Variants in FBXO36 observed in about 807,000 individuals in gnomAD.
FBXO36 encodes the protein F-box only protein 36.
In FBXO36, 18 loss-of-function variants were observed where a neutral mutation model predicts 17.0. That is an observed-to-expected ratio of 1.06 (90% CI 0.73 to 1.57). The LOEUF is 1.57. Ranked by LOEUF, FBXO36 falls within the 40% of genes most tolerant of loss-of-function variation. The pLI is 0.00. For missense variants in FBXO36, 229 were observed against 221.9 expected (o/e 1.03, Z -0.20); for synonymous variants, 83 against 85.3 (o/e 0.97, Z 0.15).
intron 1 of FBXO36, among the ~76,000 whole-genome samples, chr2:229,948,779 A>AG (rs1350247432): frequency 8.5e-5 from 13 of 152,200 alleles, no homozygotes; most frequent in African/African-American, 3.1e-4. Flanking sequence ...CCAAATGGAA[A>AG]GGGGCCTGGT....
chr2:229,938,539 C>T (rs1302874314), intron 1 of FBXO36, among the ~76,000 whole-genome samples: 4 of 148,268 alleles, frequency 2.7e-5, no homozygotes, highest in African/African-American at 1.0e-4. Context: ...GGCTGGTATG[C>T]AATGGCGCCA....
chr2:229,987,063 T>C (rs530470573), intron 2 of FBXO36, among the ~76,000 whole-genome samples: 12 of 151,130 alleles, frequency 7.9e-5, no homozygotes, highest in Non-Finnish European at 1.5e-4. Context: ...ACTAAAAATA[T>C]AAAAAAATTA....
At chr2:229,922,677 A>G in intron 1 of FBXO36, 68 bp downstream of exon 1, 1 of 1,510,818 alleles carries the variant, frequency 6.6e-7, no homozygotes, top group African/African-American at 1.4e-5. Context: ...CCCGGGACGC[A>G]GGCTGTGCTA....
chr2:229,934,647 A>G (rs979768805), intron 1 of FBXO36, among the ~76,000 whole-genome samples: 2 of 152,004 alleles, frequency 1.3e-5, no homozygotes, highest in African/African-American at 4.8e-5. Flanking sequence ...TGACTGTTTC[A>G]TTTTCCTTAT....
chr2:230,009,992 T>C (rs1177675632), intron 3 of FBXO36, among the ~76,000 whole-genome samples: 1 of 151,770 alleles, frequency 6.6e-6, no homozygotes, highest in Non-Finnish European at 1.5e-5. Context: ...CTGGGCACAG[T>C]GGCTCACGCC....
At chr2:229,931,593 C>T (rs893456341) in intron 1 of FBXO36, among the ~76,000 whole-genome samples, 2 of 152,192 alleles carry the variant, frequency 1.3e-5, no homozygotes, top group African/African-American at 4.8e-5. Flanking sequence ...GTAATCCCAG[C>T]ATTTTAGGAG....
intron 1 of FBXO36, among the ~76,000 whole-genome samples, chr2:229,974,063 A>G (rs1013137758): frequency 4.6e-5 from 7 of 152,166 alleles, no homozygotes; most frequent in African/African-American, 1.7e-4. Flanking sequence ...AACAAAAAGG[A>G]AGAAGAAAAT....
chr2:229,934,549 C>T (rs1219162142), intron 1 of FBXO36, among the ~76,000 whole-genome samples: 1 of 152,166 alleles, frequency 6.6e-6, no homozygotes, highest in Non-Finnish European at 1.5e-5. Flanking sequence ...GTTTGGAAAA[C>T]CAGTCAGCAG....
chr2:229,975,715 A>G (rs1307395709), intron 1 of FBXO36, among the ~76,000 whole-genome samples: 4 of 151,048 alleles, frequency 2.6e-5, no homozygotes, highest in Non-Finnish European at 5.9e-5. Flanking sequence ...GGCTCAAGCA[A>G]TCCTCCCACC....
At position 230,012,096 on chromosome 2, in the gene FBXO36, A is replaced by G. The variant is rs561605201; in HGVS notation, c.*1212A>G. 5.3e-5 allele frequency: 8 copies of G among 152,236 alleles called. No individual in the cohort carries two copies. In the South Asian group the frequency reaches 1.7e-3, roughly 32 times the overall value. 9.4% of individuals were successfully genotyped at this position (152,236 alleles called of 1,614,324 possible). A position where few individuals can be genotyped will look rare whatever the true frequency, so the allele number is the denominator to read the frequency against. ...CATCACATTATAATATAGCCTTATAATTTCTTCTTTCCTGCAACCTTCACT... is the reference window on the plus strand; with the variant it reads ...CATCACATTATAATATAGCCTTATAGTTTCTTCTTTCCTGCAACCTTCACT... On this transcript the variant is annotated 3_prime_UTR_variant, in exon 4 of 4. Coordinates refer to ENST00000283946, the MANE Select transcript of FBXO36 (RefSeq NM_174899.5).
At chr2:229,984,635 G>A (rs1448604140) in intron 2 of FBXO36, among the ~76,000 whole-genome samples, 1 of 151,896 alleles carries the variant, frequency 6.6e-6, no homozygotes, top group South Asian at 2.1e-4. Flanking sequence ...TGATCCGCCC[G>A]CCTCAGCCTC....
chr2:229,980,429 TC>T (rs1577353017), intron 2 of FBXO36, among the ~76,000 whole-genome samples: 1 of 152,078 alleles, frequency 6.6e-6, no homozygotes, highest in East Asian at 1.9e-4. Context: ...GCTGCATTGT[TC>T]CTTGAGACCA....
chr2:229,942,598 G>C (rs866427528), intron 1 of FBXO36: 2 of 152,346 alleles, frequency 1.3e-5, no homozygotes, highest in African/African-American at 4.8e-5. Flanking sequence ...GCCCTGGGGG[G>C]GTCCAGGACA....
intron 1 of FBXO36, among the ~76,000 whole-genome samples, chr2:229,950,798 C>G (rs896665274): frequency 1.2e-4 from 18 of 151,204 alleles, no homozygotes; most frequent in Non-Finnish European, 2.4e-4. Flanking sequence ...GTTCAGCCGC[C>G]CAGGCTGGAG....
intron 1 of FBXO36, among the ~76,000 whole-genome samples, chr2:229,967,584 T>C (rs1311676381): frequency 1.3e-5 from 2 of 152,210 alleles, no homozygotes; most frequent in Non-Finnish European, 2.9e-5. Context: ...GTTTTTAGCA[T>C]GAAGGGCTGT....
At chr2:229,955,157 A>G (rs942100192) in intron 1 of FBXO36, among the ~76,000 whole-genome samples, 2 of 151,974 alleles carry the variant, frequency 1.3e-5, no homozygotes. Context: ...CAGCCCGATC[A>G]CCCTATTTAA....
chr2:229,932,841 A>T, intron 1 of FBXO36: 1 of 295,750 alleles, frequency 3.4e-6, no homozygotes, highest in Non-Finnish European at 7.2e-6. Flanking sequence ...AGGCCGAGCC[A>T]GGTGGATCAC....
intron 1 of FBXO36, among the ~76,000 whole-genome samples, chr2:229,966,010 T>C (rs978683180): frequency 6.6e-6 from 1 of 152,166 alleles, no homozygotes; most frequent in Non-Finnish European, 1.5e-5. Flanking sequence ...GTAAAAGTGT[T>C]TCTATTTCTC....
At chr2:230,002,117 C>T (rs2077362247) in intron 3 of FBXO36, among the ~76,000 whole-genome samples, 1 of 152,174 alleles carries the variant, frequency 6.6e-6, no homozygotes. Context: ...GGATTACAGG[C>T]ATGAGCCATT....
Sources: gnomAD v4.1 joint callset for allele counts (sites outside exome capture counted in the v4.1 genomes callset) on GRCh38, gnomAD v4.1.1 for gene constraint, MANE v1.5 for transcripts, NCBI Gene and HGNC (gene_info 2026-07-23, HGNC 2026-07-21) for gene names.